TNFSF4: variants seen among roughly 807,000 people sequenced by gnomAD.
The protein encoded by TNFSF4 is tumor necrosis factor ligand superfamily member 4.
A neutral mutation model predicts 7.3 loss-of-function variants in TNFSF4; 4 were observed. That is an observed-to-expected ratio of 0.55 (90% CI 0.27 to 1.25). The LOEUF is 1.25. TNFSF4 is among the 50% of genes most tolerant of loss of function. TNFSF4 has a pLI of 0.12. For missense variants in TNFSF4, 181 were observed against 208.8 expected (o/e 0.87, Z 0.82); for synonymous variants, 76 against 83.7 (o/e 0.91, Z 0.50).
the TNFSF4 span, among the ~76,000 whole-genome samples, chr1:173,288,318 C>A: frequency 2.6e-5 from 4 of 152,104 alleles, no homozygotes; most frequent in Non-Finnish European, 5.9e-5. Flanking sequence ...CACCTGTAGA[C>A]CCAGTTACTT....
At chr1:173,317,558 A>T in the TNFSF4 span, among the ~76,000 whole-genome samples, 4 of 152,358 alleles carry the variant, frequency 2.6e-5, no homozygotes, top group African/African-American at 9.6e-5. Flanking sequence ...AACTAGATTT[A>T]AAAAAGGATT....
the TNFSF4 span, among the ~76,000 whole-genome samples, chr1:173,321,499 G>A: frequency 6.6e-6 from 1 of 152,016 alleles, no homozygotes; most frequent in Non-Finnish European, 1.5e-5. Context: ...AAACTAAAGA[G>A]CTTCTGTACA....
At chr1:173,201,003 G>C (rs1649919939) in intron 1 of TNFSF4, among the ~76,000 whole-genome samples, 1 of 152,228 alleles carries the variant, frequency 6.6e-6, no homozygotes. Flanking sequence ...AAAGATTTTA[G>C]TTATGCCAGG....
the TNFSF4 span, among the ~76,000 whole-genome samples, chr1:173,340,390 C>A: frequency 6.6e-6 from 1 of 151,014 alleles, no homozygotes; most frequent in Non-Finnish European, 1.5e-5. Flanking sequence ...TTCTGTTTCT[C>A]TGGAGAACCC....
the TNFSF4 span, among the ~76,000 whole-genome samples, chr1:173,354,548 C>A: frequency 1.3e-5 from 2 of 152,170 alleles, no homozygotes; most frequent in Non-Finnish European, 2.9e-5. Flanking sequence ...AAAAGGAAAT[C>A]TCAGGCCAAT....
chr1:173,176,813 C>T, the TNFSF4 span, among the ~76,000 whole-genome samples: 1 of 152,124 alleles, frequency 6.6e-6, no homozygotes. Context: ...TAGATAATGT[C>T]CTTTGCAGCA....
At chr1:173,441,434 C>T in the TNFSF4 span, among the ~76,000 whole-genome samples, 5 of 152,200 alleles carry the variant, frequency 3.3e-5, 1 homozygote, top group South Asian at 1.0e-3. Flanking sequence ...ACCAGCCTGG[C>T]CAACATGGTG....
chr1:173,187,220 G>A (rs924816485), intron 2 of TNFSF4, among the ~76,000 whole-genome samples: 2 of 152,158 alleles, frequency 1.3e-5, no homozygotes, highest in African/African-American at 4.8e-5. Context: ...TACAGAAATT[G>A]TCACAAAGCA....
the TNFSF4 span, among the ~76,000 whole-genome samples, chr1:173,378,880 C>G: frequency 3.3e-5 from 3 of 90,760 alleles, no homozygotes; most frequent in Admixed American, 3.7e-4. Flanking sequence ...ACCCCCCTCC[C>G]CCCCCACCAC....
the TNFSF4 span, among the ~76,000 whole-genome samples, chr1:173,245,944 T>G: frequency 6.6e-6 from 1 of 152,234 alleles, no homozygotes; most frequent in Non-Finnish European, 1.5e-5. Context: ...TGAATAGTAT[T>G]CCATTGAGTT....
chr1:173,241,360 T>C, the TNFSF4 span, among the ~76,000 whole-genome samples: 1 of 152,192 alleles, frequency 6.6e-6, no homozygotes. Flanking sequence ...GATCTGAATA[T>C]ATATTGACTT....
At chr1:173,329,950 G>A in the TNFSF4 span, among the ~76,000 whole-genome samples, 1 of 152,216 alleles carries the variant, frequency 6.6e-6, no homozygotes, top group Non-Finnish European at 1.5e-5. Flanking sequence ...CCCAAAATAA[G>A]CATAATCAGT....
chr1:173,371,768 G>A, the TNFSF4 span, among the ~76,000 whole-genome samples: 111 of 152,220 alleles, frequency 7.3e-4, 1 homozygote, highest in Non-Finnish European at 1.5e-3. Context: ...AAATACCAGA[G>A]GAAGCAGAAT....
the TNFSF4 span, among the ~76,000 whole-genome samples, chr1:173,235,149 C>T: frequency 1.3e-5 from 2 of 152,216 alleles, no homozygotes; most frequent in South Asian, 2.1e-4. Flanking sequence ...ATGAAAAATT[C>T]GAAAGACTGT....
chr1:173,228,021 C>T, the TNFSF4 span, among the ~76,000 whole-genome samples: 1 of 152,186 alleles, frequency 6.6e-6, no homozygotes, highest in African/African-American at 2.4e-5. Flanking sequence ...CGGGGCATAG[C>T]CAAACAGGAG....
Position 173,207,062 on chromosome 1 carries a change from A to C in TNFSF4, c.115T>G (p.Cys39Gly), listed in dbSNP as rs1650227663. The C allele has an allele frequency of 2.5e-6, 4 of 1,613,612 alleles. No individual in the cohort carries two copies. Among genetic ancestry groups the C allele is most frequent in the Non-Finnish European group, 3.4e-6 (4 of 1,179,778 alleles). The change falls in exon 1 of 3, where the codon TGC becomes GGC. Residue 39 changes from cysteine (C) to glycine (G), a missense_variant. Cys to Gly is a radical substitution (Grantham distance 159). Transcript: ENST00000281834. ...SVIQGLGLLL[C>G]FTYICLHFSA... Reference sequence around the variant, plus strand: ...AAGTGCAGGCAGATGTAGGTGAAGCACAGGAGCAGCCCCAGTCCCTGAATT... The same window carrying C: ...AAGTGCAGGCAGATGTAGGTGAAGCCCAGGAGCAGCCCCAGTCCCTGAATT...
chr1:173,302,535 A>G, the TNFSF4 span, among the ~76,000 whole-genome samples: 1 of 151,876 alleles, frequency 6.6e-6, no homozygotes, highest in Non-Finnish European at 1.5e-5. Context: ...AGTTCAGACA[A>G]TTTAAGGTAA....
At chr1:173,219,011 A>G in the TNFSF4 span, among the ~76,000 whole-genome samples, 2 of 152,186 alleles carry the variant, frequency 1.3e-5, no homozygotes, top group African/African-American at 4.8e-5. Flanking sequence ...ATTGTATTAT[A>G]TTCAAATTCT....
upstream of TNFSF4, chr1:173,207,363 G>A (rs944266360): frequency 6.6e-6 from 3 of 452,618 alleles, no homozygotes; most frequent in East Asian, 3.4e-5. Flanking sequence ...CAGTTTTAAC[G>A]CTGCAACTTT....
Sources: gnomAD v4.1 joint callset for allele counts (sites outside exome capture counted in the v4.1 genomes callset) on GRCh38, gnomAD v4.1.1 for gene constraint, MANE v1.5 for transcripts, NCBI Gene and HGNC (gene_info 2026-07-23, HGNC 2026-07-21) for gene names.